ANK3: variants seen among roughly 807,000 people sequenced by gnomAD.
ANK3 encodes the protein ankyrin-3.
Under a neutral mutation model 370.9 loss-of-function variants are expected in ANK3, and 57 were observed. The ratio of observed to expected loss-of-function variants is 0.15; its 90% CI spans 0.12 to 0.19. The LOEUF (loss-of-function observed/expected upper bound fraction) is 0.19, where lower values mean the gene tolerates loss of function less well. Among genes scored for constraint, ANK3 ranks in the 10% least tolerant of loss-of-function variants. The pLI, the probability that ANK3 is intolerant of heterozygous loss-of-function variation, is 1.00. For missense variants in ANK3, 4,439 were observed against 5,302.1 expected (o/e 0.84, Z 5.06); for synonymous variants, 1,929 against 1,946.3 (o/e 0.99, Z 0.23).
intron 11 of ANK3, 84 bp from the exon 12 acceptor site, chr10:60,203,184 C>A: frequency 1.2e-6 from 1 of 850,382 alleles, no homozygotes; most frequent in Non-Finnish European, 2.0e-6. Flanking sequence ...GTCATCCATC[C>A]ACCCATCTAA....
chr10:60,050,649 C>T (rs951553454), intron 42 of ANK3: 1 of 152,126 alleles, frequency 6.6e-6, no homozygotes, highest in Non-Finnish European at 1.5e-5. Context: ...TATTCTAACC[C>T]TTAGAAAGAT....
intron 7 of ANK3, among the ~76,000 whole-genome samples, chr10:60,253,745 A>T (rs1337236443): frequency 2.6e-5 from 4 of 152,196 alleles, no homozygotes; most frequent in Non-Finnish European, 5.9e-5. Flanking sequence ...CCCCATTTTC[A>T]TGGGGAGGTT....
At chr10:60,549,313 G>C (rs2077039867) in intron 2 of ANK3, among the ~76,000 whole-genome samples, 1 of 151,994 alleles carries the variant, frequency 6.6e-6, no homozygotes, top group Admixed American at 6.6e-5. Flanking sequence ...ATTAATATTT[G>C]GCTTACTGCT....
chr10:60,088,837 A>G (rs1024127769), intron 28 of ANK3, among the ~76,000 whole-genome samples: 1 of 152,186 alleles, frequency 6.6e-6, no homozygotes, highest in African/African-American at 2.4e-5. Context: ...AAATATTATA[A>G]AACTATTAAT....
At chr10:60,625,476 T>C (rs2078396373) in intron 1 of ANK3, among the ~76,000 whole-genome samples, 1 of 152,210 alleles carries the variant, frequency 6.6e-6, no homozygotes, top group Admixed American at 6.5e-5. Flanking sequence ...GAAGAACTAA[T>C]TAAAATCCAC....
At chr10:60,048,116 T>G (rs959582630) in intron 42 of ANK3, among the ~76,000 whole-genome samples, 2 of 152,182 alleles carry the variant, frequency 1.3e-5, no homozygotes, top group Admixed American at 6.5e-5. Context: ...CTTTTGGCAA[T>G]CCAATGCTTA....
At chr10:60,094,197 T>C (rs2132046740) in intron 28 of ANK3, among the ~76,000 whole-genome samples, 1 of 150,580 alleles carries the variant, frequency 6.6e-6, no homozygotes, top group African/African-American at 2.4e-5. Context: ...TTTTTTTTTT[T>C]TTTTTGGACA....
chr10:60,580,845 G>C (rs979878474), intron 2 of ANK3, among the ~76,000 whole-genome samples: 3 of 152,170 alleles, frequency 2.0e-5, no homozygotes, highest in Admixed American at 2.0e-4. Context: ...GGCTTGAAGG[G>C]TGGAAAAAAT....
intron 2 of ANK3, chr10:60,573,040 C>A (rs2077634800): frequency 1.0e-6 from 1 of 984,618 alleles, no homozygotes; most frequent in Admixed American, 6.0e-5. Context: ...GCTCTCCGTG[C>A]TGCTAGCCTC....
intron 28 of ANK3, among the ~76,000 whole-genome samples, chr10:60,097,582 G>A (rs1440103278): frequency 6.6e-6 from 1 of 152,196 alleles, no homozygotes; most frequent in South Asian, 2.1e-4. Context: ...AATATAAATG[G>A]TTATGGAGAC....
chr10:60,266,971 A>G (rs990124524), intron 5 of ANK3, among the ~76,000 whole-genome samples: 1 of 152,208 alleles, frequency 6.6e-6, no homozygotes, highest in African/African-American at 2.4e-5. Context: ...CGTAATTAGC[A>G]AAAGGAAGAT....
At position 60,326,403 on chromosome 10, in the gene ANK3, C is replaced by T. The variant is rs149657599; in HGVS notation, c.115-46764G>A. On this transcript the variant is annotated intron_variant, in intron 1 of 43. Transcript: ENST00000280772. ...ATCAAGGGGGAAGTTCTGATGATTG[C>T]CTCTAACAATTTTCAGTGAGAGCCC... Among the ~76,000 whole-genome samples the T allele has an allele frequency of 2.5e-3, 376 of 152,272 alleles. 2 individuals carry two copies. Among genetic ancestry groups the T allele is most frequent in the Middle Eastern group, 0.024 (7 of 294 alleles).
intron 1 of ANK3, among the ~76,000 whole-genome samples, chr10:60,684,293 G>A (rs750993382): frequency 1.3e-5 from 2 of 152,156 alleles, no homozygotes; most frequent in African/African-American, 2.4e-5. Context: ...GGCGCGTCGC[G>A]CCCACCTGGC....
Position 60,069,531 on chromosome 10 carries a change from C to T in ANK3, c.11350G>A (p.Asp3784Asn). The T allele has an allele frequency of 6.2e-7, 1 of 1,613,004 alleles. No individual in the cohort carries two copies. The highest frequency in any genetic ancestry group is 8.5e-7 in the Non-Finnish European group (1 of 1,179,748). Reference protein sequence around the residue: ...RPHEKHDFQKDNFNNNNNLDS... With the variant: ...RPHEKHDFQKNNFNNNNNLDS... ...AAATTGTTGTTGTTATTAAAGTTAT[C>T]TTTTTGAAAATCATGTTTTTCATGG... Residue 3784 changes from aspartate (D) to asparagine (N), a missense_variant, in exon 37 of 44, where the codon GAT (aspartate) becomes AAT (asparagine). Asp to Asn is a conservative substitution (Grantham distance 23). This residue lies in a region of ANK3 where 496 missense variants were observed against 529.3 expected (regional missense o/e 0.94). Coordinates refer to ENST00000280772, the MANE Select transcript of ANK3 (RefSeq NM_020987.5).
intron 8 of ANK3, among the ~76,000 whole-genome samples, chr10:60,216,204 A>T (rs1245091938): frequency 6.6e-6 from 1 of 152,138 alleles, no homozygotes; most frequent in Non-Finnish European, 1.5e-5. Context: ...AAATCATGTC[A>T]TCTGCAAACA....
intron 23 of ANK3, among the ~76,000 whole-genome samples, chr10:60,149,068 C>T (rs1009761306): frequency 6.6e-5 from 10 of 152,240 alleles, no homozygotes; most frequent in Admixed American, 3.3e-4. Flanking sequence ...CTTTCCCTTA[C>T]ACCCAAATTG....
In ANK3 at chr10:60,358,103, CACACACACACACACACAA is replaced by C. The variant is rs1295472953; in HGVS notation, c.114+31304_114+31321del. Among the ~76,000 whole-genome samples, 195 of 48,932 alleles carry C rather than the reference CACACACACACACACACAA, an allele frequency of 4.0e-3. 1 individual carries two copies. Among genetic ancestry groups the C allele is most frequent in the East Asian group, 0.01 (5 of 500 alleles). The allele number at this position is 48,932 out of a possible 152,430, so 32.1% of individuals were successfully genotyped here. A position where few individuals can be genotyped will look rare whatever the true frequency, so the allele number is the denominator to read the frequency against. On this transcript the variant is annotated intron_variant, in intron 1 of 43. Coordinates refer to ENST00000280772, the MANE Select transcript of ANK3 (RefSeq NM_020987.5). ...TACTTAAAACATGCATATGTATACACACACACACACACACACAAACACACACACACACACACACACCCA... is the reference window on the plus strand; with the variant it reads ...TACTTAAAACATGCATATGTATACACACACACACACACACACACACACCCA...
At chr10:60,395,626 C>CTCTCTTTCGT in intron 2 of ANK3, among the ~76,000 whole-genome samples, 1 of 71,222 alleles carries the variant, frequency 1.4e-5, no homozygotes, top group Non-Finnish European at 3.0e-5. Flanking sequence ...CGTTCTCTCT[C>CTCTCTTTCGT]TCTCTCTCTC....
intron 1 of ANK3, among the ~76,000 whole-genome samples, chr10:60,724,941 A>G (rs1229343037): frequency 6.6e-6 from 1 of 152,182 alleles, no homozygotes; most frequent in African/African-American, 2.4e-5. Context: ...TGAGTTAACT[A>G]TACTTCCCGG....
Sources: allele counts gnomAD v4.1 joint callset (sites outside exome capture counted in the v4.1 genomes callset), GRCh38; gene constraint gnomAD v4.1.1; regional missense constraint gnomAD v4.1.1; transcripts MANE v1.5; gene names NCBI Gene and HGNC (gene_info 2026-07-23, HGNC 2026-07-21).